Variants in GOLGB1 observed in about 807,000 individuals in gnomAD.
GOLGB1 encodes the protein golgin subfamily B member 1.
A neutral mutation model predicts 336.9 loss-of-function variants in GOLGB1; 174 were observed. That is an observed-to-expected ratio of 0.52 (90% confidence interval 0.46 to 0.59). GOLGB1 has a LOEUF of 0.59. Among genes scored for constraint, GOLGB1 ranks in the 20% least tolerant of loss-of-function variants. The probability of loss-of-function intolerance (pLI) is 0.00; values close to 1 mark genes in which losing one functional copy is unlikely to be tolerated. For synonymous variants in GOLGB1, 1,208 were observed against 1,289.2 expected (o/e 0.94, Z 1.35); for missense variants, 3,331 against 3,645.3 (o/e 0.91, Z 2.22).
rs1943155069 is a variant in GOLGB1, at chr3:121,698,719, C to G, written c.1804G>C (p.Glu602Gln). 3 of 1,613,748 alleles carry G rather than the reference C, an allele frequency of 1.9e-6. No homozygotes were observed. In the East Asian group the frequency reaches 6.7e-5, roughly 36 times the overall value. Residue 602 changes from glutamate (E) to glutamine (Q), a missense_variant, in exon 13 of 22, where the codon GAA becomes CAA. By Grantham distance (29) the Glu-to-Gln change is conservative (BLOSUM62 2). Coordinates refer to ENST00000614479, the MANE Select transcript of GOLGB1 (RefSeq NM_001366282.2). ...CCCTCACCCTCCATCTGTTTCATTT[C>G]TTTCTGGTCAAGGACCTCATGATCT... is the stretch of plus-strand genomic sequence containing the variant. ...EADHEVLDQK[E>Q]MKQMEGEGIA...
chr3:121,677,155 G>T, intron 16 of GOLGB1, 125 bp from the exon 17 acceptor site: 2 of 1,253,382 alleles, frequency 1.6e-6, no homozygotes, highest in Non-Finnish European at 2.3e-6. Context: ...AATAGTGGCA[G>T]ATGGGCACTT....
At chr3:121,731,106 C>T in intron 1 of GOLGB1, 133 bp from the exon 2 acceptor site, 1 of 846,486 alleles carries the variant, frequency 1.2e-6, no homozygotes, top group Non-Finnish European at 1.8e-6. Flanking sequence ...ACACAGTCTG[C>T]AGCACAATGA....
In GOLGB1 at chr3:121,699,835, C is replaced by T; in HGVS notation, c.1570G>A (p.Glu524Lys). The T allele has an allele frequency of 6.2e-7, 1 of 1,604,134 alleles. No individual in the cohort carries two copies. Among genetic ancestry groups the T allele is most frequent in the Non-Finnish European group, 8.5e-7 (1 of 1,171,890 alleles). The stretch of plus-strand genomic sequence containing the variant: ...ACCTCACTGACTTCTCTGTCTGCCT[C>T]CCCAGTTCTATTCTGAGCCTCTAGG... The part of the protein sequence containing the change: ...TLLEAQNRTG[E>K]ADREVSEISI... The change falls in exon 12 of 22, where the codon GAG (glutamate) becomes AAG (lysine). Residue 524 changes from glutamate to lysine, a missense_variant. By Grantham distance (56) the Glu-to-Lys change is moderately conservative. Transcript: ENST00000614479.
intron 1 of GOLGB1, chr3:121,748,926 TA>T (rs1947562287): frequency 1.0e-6 from 1 of 984,970 alleles, no homozygotes; most frequent in African/African-American, 1.7e-5. Context: ...TTGTGCAGAT[TA>T]AACATACTCC....
At chr3:121,729,759 A>G in intron 3 of GOLGB1, 106 bp downstream of exon 3, 1 of 835,414 alleles carries the variant, frequency 1.2e-6, no homozygotes, top group East Asian at 2.4e-5. Flanking sequence ...TACTAGGGAG[A>G]TAATCAGATT....
intron 10 of GOLGB1, among the ~76,000 whole-genome samples, chr3:121,705,583 G>T (rs1943746081): frequency 6.6e-6 from 1 of 152,210 alleles, no homozygotes. Context: ...CTAAGTTCAT[G>T]AGACAGAGCT....
intron 14 of GOLGB1, among the ~76,000 whole-genome samples, chr3:121,688,755 G>A (rs573195477): frequency 1.7e-4 from 26 of 151,060 alleles, no homozygotes; most frequent in East Asian, 1.2e-3. Flanking sequence ...GTCTCTGCCC[G>A]GCTGCCCATC....
In GOLGB1 at chr3:121,741,503, G is replaced by A. The variant is rs139809607; in HGVS notation, c.-3+8129C>T. Reference sequence around the variant, plus strand: ...TACCATCCTGAACACACCCGATCTCGTCTAAAGTGGTTGTGGTGGTGATAT... The same window carrying A: ...TACCATCCTGAACACACCCGATCTCATCTAAAGTGGTTGTGGTGGTGATAT... On this transcript the variant is annotated intron_variant, in intron 1 of 21. Coordinates refer to ENST00000614479, the MANE Select transcript of GOLGB1 (RefSeq NM_001366282.2). 2.3e-4 allele frequency among the ~76,000 whole-genome samples: 35 copies of A among 152,240 alleles called. No homozygotes were observed. In the East Asian group the frequency reaches 5.0e-3, roughly 22 times the overall value.
intron 8 of GOLGB1, 125 bp downstream of exon 8, chr3:121,718,263 G>A (rs1944924344): frequency 1.6e-6 from 1 of 630,544 alleles, no homozygotes; most frequent in African/African-American, 1.9e-5. Flanking sequence ...GGTATTTGTT[G>A]AAAGAATGAA....
rs992424042 is a variant in GOLGB1, at chr3:121,691,725, G to C, written c.7639C>G (p.Gln2547Glu). Residue 2547 changes from glutamine to glutamate, a missense_variant, in exon 14 of 22, where the codon CAA (glutamine) becomes GAA (glutamate). Transcript: ENST00000614479. Reference protein sequence around the residue: ...ELIQYREDLNQVITIKDSQQK... With the variant: ...ELIQYREDLNEVITIKDSQQK... Reference sequence around the variant, plus strand: ...TGGCTGTCCTTTATTGTTATCACTTGGTTCAGGTCTTCTCTATATTGGATC... The same window carrying C: ...TGGCTGTCCTTTATTGTTATCACTTCGTTCAGGTCTTCTCTATATTGGATC... 6.2e-7 allele frequency: 1 copy of C among 1,612,884 alleles called. No homozygotes were observed. The highest frequency in any genetic ancestry group is 8.5e-7 in the Non-Finnish European group (1 of 1,179,720).
intron 10 of GOLGB1, among the ~76,000 whole-genome samples, chr3:121,713,505 G>A (rs1576403475): frequency 6.6e-6 from 1 of 152,312 alleles, no homozygotes; most frequent in Middle Eastern, 3.4e-3. Flanking sequence ...AATATGCTGA[G>A]TAAAAGCTTT....
At chr3:121,745,452 G>C (rs1183843559) in intron 1 of GOLGB1, among the ~76,000 whole-genome samples, 2 of 121,874 alleles carry the variant, frequency 1.6e-5, no homozygotes, top group African/African-American at 3.2e-5. Context: ...ATATGTACAC[G>C]TGTATGTATA....
intron 11 of GOLGB1, among the ~76,000 whole-genome samples, chr3:121,700,826 A>C (rs1215535645): frequency 6.6e-6 from 1 of 152,044 alleles, no homozygotes; most frequent in African/African-American, 2.4e-5. Flanking sequence ...GCCTACTCTC[A>C]CTACTCCAAT....
chr3:121,733,272 T>G lies in GOLGB1; in HGVS notation c.-2-2299A>C, dbSNP rs1220974420. ...CAGGAGGTGGAGCTTGCAGTGAGCC[T>G]AGATTGCTCCGTCTCAAAAAAAAAA... On this transcript the variant is annotated intron_variant, in intron 1 of 21. Transcript: ENST00000614479. 8.3e-5 allele frequency among the ~76,000 whole-genome samples: 10 copies of G among 120,670 alleles called. 1 individual carries two copies. Among genetic ancestry groups the G allele is most frequent in the African/African-American group, 2.9e-4 (9 of 30,756 alleles). The allele number at this position is 120,670 out of a possible 152,430, so 79.2% of individuals were successfully genotyped here. A position where few individuals can be genotyped will look rare whatever the true frequency, so the allele number is the denominator to read the frequency against.
intron 1 of GOLGB1, 95 bp from the exon 2 acceptor site, chr3:121,731,068 A>C (rs1946079646): frequency 1.6e-6 from 2 of 1,238,378 alleles, no homozygotes; most frequent in African/African-American, 3.0e-5. Flanking sequence ...GAATGAAAAA[A>C]GAATACTGTA....
chr3:121,665,040 A>AG lies in GOLGB1; in HGVS notation c.9555-10dup. ...ATTCACTGTGCTCTAACCTGAGTTG[A>AG]GAAAAAAAAGAGGCATAGCATTGGT... On this transcript the variant is annotated splice_polypyrimidine_tract_variant and intron_variant, in intron 20 of 21. Transcript: ENST00000614479. The AG allele has an allele frequency of 6.7e-7, 1 of 1,496,688 alleles. No individual in the cohort carries two copies. The highest frequency in any genetic ancestry group is 9.3e-7 in the Non-Finnish European group (1 of 1,073,022). The allele number at this position is 1,496,688 out of a possible 1,614,324, so 92.7% of individuals were successfully genotyped here.
chr3:121,734,412 C>CAAAAAAAAAAAAAAAAAAAAAAAAAAA (rs1946345679), intron 1 of GOLGB1, among the ~76,000 whole-genome samples: 1 of 100,774 alleles, frequency 9.9e-6, no homozygotes, highest in African/African-American at 3.5e-5. Context: ...AAAAAAAAAA[C>CAAAAAAAAAAAAAAAAAAAAAAAAAAA]AAGTCATAGA....
At chr3:121,687,933 A>G (rs1560201764) in intron 14 of GOLGB1, among the ~76,000 whole-genome samples, 1 of 152,250 alleles carries the variant, frequency 6.6e-6, no homozygotes, top group Non-Finnish European at 1.5e-5. Flanking sequence ...CTAAACTCAA[A>G]TTATTTAAAA....
intron 11 of GOLGB1, among the ~76,000 whole-genome samples, chr3:121,701,406 A>G (rs750962107): frequency 3.9e-5 from 6 of 152,172 alleles, no homozygotes; most frequent in Non-Finnish European, 7.4e-5. Flanking sequence ...ATCGTCTAAT[A>G]CAAGTGCATA....
Sources: allele counts gnomAD v4.1 joint callset (sites outside exome capture counted in the v4.1 genomes callset), GRCh38; gene constraint gnomAD v4.1.1; transcripts MANE v1.5; gene names NCBI Gene and HGNC (gene_info 2026-07-23, HGNC 2026-07-21).